OPCML: variants seen among roughly 807,000 people sequenced by gnomAD.
OPCML encodes the protein opioid-binding protein/cell adhesion molecule.
A neutral mutation model predicts 37.8 loss-of-function variants in OPCML; 13 were observed. The ratio of observed to expected loss-of-function variants is 0.34; its 90% CI spans 0.22 to 0.55. The LOEUF (loss-of-function observed/expected upper bound fraction) is 0.55. Among genes scored for constraint, OPCML ranks in the 20% least tolerant of loss-of-function variants. The pLI is 0.91. For synonymous variants in OPCML, 176 were observed against 168.8 expected, an observed-to-expected ratio of 1.04 and a Z score of -0.33; for missense variants, 341 against 435.6, an observed-to-expected ratio of 0.78 and a Z score of 1.93.
chr11:133,141,863 A>T (rs11223372), intron 1 of OPCML, among the ~76,000 whole-genome samples: 6 of 152,120 alleles, frequency 3.9e-5, no homozygotes, highest in Non-Finnish European at 7.4e-5. Flanking sequence ...CTATCAACAA[A>T]TCTGATCCAT....
At chr11:132,489,998 T>C (rs2096210946) in intron 4 of OPCML, among the ~76,000 whole-genome samples, 1 of 152,186 alleles carries the variant, frequency 6.6e-6, no homozygotes. Context: ...GCTTCATCCA[T>C]GTCCCTGCAA....
chr11:132,748,850 T>G (rs2136062584), intron 2 of OPCML, among the ~76,000 whole-genome samples: 1 of 152,320 alleles, frequency 6.6e-6, no homozygotes, highest in Admixed American at 6.5e-5. Context: ...AGAGACTGTG[T>G]GAACTTCCAC....
At chr11:132,451,588 G>T (rs1288054370) in intron 4 of OPCML, among the ~76,000 whole-genome samples, 3 of 152,098 alleles carry the variant, frequency 2.0e-5, no homozygotes, top group Non-Finnish European at 4.4e-5. Flanking sequence ...CTTGACTGGC[G>T]ATTCCATTCC....
chr11:133,399,225 T>A (rs1248669992), intron 1 of OPCML, among the ~76,000 whole-genome samples: 1 of 152,182 alleles, frequency 6.6e-6, no homozygotes, highest in Non-Finnish European at 1.5e-5. Context: ...ACTTGTGAAT[T>A]TTTTTGGCAG....
chr11:133,485,792 A>G (rs995821301), intron 1 of OPCML, among the ~76,000 whole-genome samples: 2 of 152,200 alleles, frequency 1.3e-5, no homozygotes, highest in Non-Finnish European at 2.9e-5. Flanking sequence ...AGCAGTAAAC[A>G]CATTTGAGTT....
chr11:132,557,478 T>C (rs1489279174), intron 3 of OPCML, among the ~76,000 whole-genome samples: 1 of 152,176 alleles, frequency 6.6e-6, no homozygotes, highest in Non-Finnish European at 1.5e-5. Context: ...AATGGGATGC[T>C]TGAGGATGCC....
chr11:132,970,924 T>G (rs1373142849), intron 1 of OPCML, among the ~76,000 whole-genome samples: 1 of 152,236 alleles, frequency 6.6e-6, no homozygotes, highest in Admixed American at 6.5e-5. Context: ...TTCTCTATTC[T>G]ATTAGGTTCT....
At chr11:133,004,106 G>C in intron 1 of OPCML, 1 of 985,390 alleles carries the variant, frequency 1.0e-6, no homozygotes, top group Non-Finnish European at 1.2e-6. Context: ...TAGCTTGGAA[G>C]GAAGTTGGAC....
chr11:132,528,565 A>G (rs1256230833), intron 4 of OPCML, among the ~76,000 whole-genome samples: 1 of 152,182 alleles, frequency 6.6e-6, no homozygotes, highest in East Asian at 1.9e-4. Flanking sequence ...GCACTTAACC[A>G]TTTCCATCAT....
chr11:133,292,114 G>C (rs1202300048), intron 1 of OPCML, among the ~76,000 whole-genome samples: 1 of 152,174 alleles, frequency 6.6e-6, no homozygotes, highest in East Asian at 1.9e-4. Context: ...GCCCCGTGCT[G>C]GCTGGGACAG....
At chr11:132,685,803 T>C (rs1943140813) in intron 2 of OPCML, among the ~76,000 whole-genome samples, 2 of 152,170 alleles carry the variant, frequency 1.3e-5, no homozygotes, top group South Asian at 4.1e-4. Context: ...TCGTTAAAGA[T>C]GCAAATTAGA....
chr11:133,449,064 T>A (rs966951568), intron 1 of OPCML, among the ~76,000 whole-genome samples: 12 of 152,232 alleles, frequency 7.9e-5, no homozygotes, highest in African/African-American at 2.9e-4. Context: ...CCATGTTTAG[T>A]CTTCACATGT....
At chr11:132,635,471 AT>A (rs1166613345) in intron 3 of OPCML, among the ~76,000 whole-genome samples, 2 of 149,604 alleles carry the variant, frequency 1.3e-5, no homozygotes, top group East Asian at 3.9e-4. Context: ...AAGGAGACTC[AT>A]TTTTTTCCCC....
chr11:133,501,270 T>C (rs1380325355), intron 1 of OPCML, among the ~76,000 whole-genome samples: 3 of 152,038 alleles, frequency 2.0e-5, no homozygotes, highest in African/African-American at 2.4e-5. Flanking sequence ...TTCCCCTTCA[T>C]TGGAGACTTC....
intron 2 of OPCML, among the ~76,000 whole-genome samples, chr11:132,824,152 A>G (rs1477682545): frequency 1.3e-5 from 2 of 152,158 alleles, no homozygotes; most frequent in Non-Finnish European, 2.9e-5. Context: ...TATTTTATCT[A>G]AAAATCTTGT....
chr11:132,464,815 TCAAA>T (rs2096114592), intron 4 of OPCML, among the ~76,000 whole-genome samples: 1 of 152,198 alleles, frequency 6.6e-6, no homozygotes, highest in African/African-American at 2.4e-5. Context: ...GATAAAAGAT[TCAAA>T]CAATTAAGAA....
intron 1 of OPCML, among the ~76,000 whole-genome samples, chr11:133,041,220 A>G (rs1345735678): frequency 6.6e-6 from 1 of 152,226 alleles, no homozygotes; most frequent in African/African-American, 2.4e-5. Flanking sequence ...AACAGCCACC[A>G]CTTCTTAGGG....
rs187485662 is a variant in OPCML, at chr11:132,982,887, T to C, written c.62-39877A>G. Among the ~76,000 whole-genome samples the C allele has an allele frequency of 4.4e-3, 670 of 152,340 alleles. 3 individuals carry two copies. The highest frequency in any genetic ancestry group is 7.3e-3 in the Non-Finnish European group (499 of 68,036). ...CACTGAGCCCCCAGCGTGGGATGCA[T>C]GCCAGAGCTTTCTTGGGTGGCTTGG... On this transcript the variant is annotated intron_variant, in intron 1 of 7. Coordinates refer to ENST00000524381, the MANE Select transcript of OPCML (RefSeq NM_001012393.5).
intron 1 of OPCML, among the ~76,000 whole-genome samples, chr11:133,244,929 T>A (rs1435166475): frequency 6.6e-6 from 1 of 152,176 alleles, no homozygotes; most frequent in African/African-American, 2.4e-5. Flanking sequence ...GGGGGAGACA[T>A]GGTACCCTGA....
Sources: gnomAD v4.1 joint callset for allele counts (sites outside exome capture counted in the v4.1 genomes callset) on GRCh38, gnomAD v4.1.1 for gene constraint, MANE v1.5 for transcripts, NCBI Gene and HGNC (gene_info 2026-07-23, HGNC 2026-07-21) for gene names.